The following EVI5 variants were observed in gnomAD, a reference collection of about 807,000 sequenced individuals.
EVI5 encodes ecotropic viral integration site 5.
EVI5 carries 73 observed loss-of-function variants against 112.0 expected under a neutral mutation model. The observed-to-expected ratio is 0.65, with a 90% confidence interval of 0.54 to 0.79. EVI5 has a LOEUF of 0.79. Ranked by LOEUF, EVI5 falls within the 30% of genes least tolerant of loss-of-function variation. The probability of loss-of-function intolerance (pLI) is 0.00; values close to 1 mark genes in which losing one functional copy is unlikely to be tolerated. For missense variants in EVI5, 900 were observed against 968.8 expected, an observed-to-expected ratio of 0.93 and a Z score of 0.94; for synonymous variants, 305 against 319.9, an observed-to-expected ratio of 0.95 and a Z score of 0.50.
intron 1 of EVI5, among the ~76,000 whole-genome samples, chr1:92,783,855 C>A (rs1047237017): frequency 2.0e-5 from 3 of 150,876 alleles, no homozygotes; most frequent in Non-Finnish European, 4.4e-5. Context: ...AAAAGAGCTT[C>A]TGGTACACTG....
rs1376276232 is a variant in EVI5 at position 92,704,616 on chromosome 1, A to G, written c.278T>C (p.Leu93Pro). The change falls in exon 3 of 20, where the codon CTT (leucine) becomes CCT (proline). Residue 93 changes from leucine to proline, a missense_variant. Transcript: ENST00000684568. ...LSHLEEDSWI[L>P]WGRIVNEWED... ...CCATTCATTAACAATTCTTCCCCAA[A>G]GAATCCAAGAATCTTCTTCAAGGTG... 1.3e-6 allele frequency: 2 copies of G among 1,598,544 alleles called. No individual in the cohort carries two copies. Among genetic ancestry groups the G allele is most frequent in the East Asian group, 2.2e-5 (1 of 44,450 alleles).
At chr1:92,771,860 T>C (rs1683455665) in intron 1 of EVI5, among the ~76,000 whole-genome samples, 1 of 151,394 alleles carries the variant, frequency 6.6e-6, no homozygotes, top group African/African-American at 2.4e-5. Flanking sequence ...ATACTCTTTT[T>C]ATTATTTTTT....
At chr1:92,578,348 T>C (rs1272685884) in intron 18 of EVI5, among the ~76,000 whole-genome samples, 1 of 152,194 alleles carries the variant, frequency 6.6e-6, no homozygotes, top group Non-Finnish European at 1.5e-5. Context: ...TCCTCTTTTT[T>C]TTGGCATGGC....
chr1:92,663,452 C>T lies in EVI5; in HGVS notation c.1213G>A (p.Glu405Lys). The change falls in exon 12 of 20, where the codon GAA (glutamate) becomes AAA (lysine). Residue 405 changes from glutamate to lysine, a missense_variant and splice_region_variant. Glu to Lys is a moderately conservative substitution (Grantham distance 56, BLOSUM62 1). Coordinates refer to ENST00000684568, the MANE Select transcript of EVI5 (RefSeq NM_001350197.2). ...LKQRIETLEK[E>K]SASLADRLIQ... Reference sequence around the variant, plus strand: ...AATCTATCTGCCAAGGAAGCACTTTCCTACAAAAGGAAAAATTCAGATAGA... The same window carrying T: ...AATCTATCTGCCAAGGAAGCACTTTTCTACAAAAGGAAAAATTCAGATAGA... 2 of 1,404,766 alleles carry T rather than the reference C, an allele frequency of 1.4e-6. No homozygotes were observed. Among genetic ancestry groups the T allele is most frequent in the Non-Finnish European group, 9.5e-7 (1 of 1,052,422 alleles). The allele number at this position is 1,404,766 out of a possible 1,614,324, so 87.0% of individuals were successfully genotyped here. A position where few individuals can be genotyped will look rare whatever the true frequency, so the allele number is the denominator to read the frequency against.
intron 19 of EVI5, among the ~76,000 whole-genome samples, chr1:92,528,791 A>T (rs1662358631): frequency 1.3e-5 from 2 of 152,102 alleles, no homozygotes. Context: ...TGAGAGAGAG[A>T]GTGTGGGAGG....
At chr1:92,767,245 T>C (rs1682777108) in intron 1 of EVI5, among the ~76,000 whole-genome samples, 1 of 152,206 alleles carries the variant, frequency 6.6e-6, no homozygotes, top group Non-Finnish European at 1.5e-5. Context: ...AGATCCACTA[T>C]TGTTGCTGTA....
intron 18 of EVI5, among the ~76,000 whole-genome samples, chr1:92,578,588 G>A (rs1671449437): frequency 6.6e-6 from 1 of 151,914 alleles, no homozygotes; most frequent in Non-Finnish European, 1.5e-5. Flanking sequence ...CGTGGTGGCG[G>A]GTGCCTGTAG....
At chr1:92,563,291 C>T (rs192277625) in intron 19 of EVI5, among the ~76,000 whole-genome samples, 10 of 152,176 alleles carry the variant, frequency 6.6e-5, no homozygotes, top group Admixed American at 6.5e-4. Context: ...GTAAATACCA[C>T]AAATCTATTC....
intron 19 of EVI5, among the ~76,000 whole-genome samples, chr1:92,525,400 C>T (rs1341448993): frequency 6.6e-6 from 1 of 150,898 alleles, no homozygotes; most frequent in Non-Finnish European, 1.5e-5. Flanking sequence ...TCCCGAGTAG[C>T]TGGGATTACA....
intron 1 of EVI5, among the ~76,000 whole-genome samples, chr1:92,773,688 AC>A: frequency 6.6e-6 from 1 of 152,252 alleles, no homozygotes; most frequent in East Asian, 1.9e-4. Context: ...AACTACAGCA[AC>A]CACAATAGGA....
At position 92,703,689 on chromosome 1, in the gene EVI5, T is replaced by C. The variant is rs1015459950; in HGVS notation, c.340-70A>G. On this transcript the variant is annotated intron_variant, in intron 3 of 19. Transcript: ENST00000684568. ...TATCTTGCAAGCCAAGGAAGACTTA[T>C]TAGGGGGTTGGAATGAAGTAGAAGA... 39 of 923,616 alleles carry C rather than the reference T, an allele frequency of 4.2e-5. No homozygotes were observed. In the African/African-American group the frequency reaches 6.2e-4, roughly 15 times the overall value. The allele number at this position is 923,616 out of a possible 1,614,324, so 57.2% of individuals were successfully genotyped here. A position where few individuals can be genotyped will look rare whatever the true frequency, so the allele number is the denominator to read the frequency against.
intron 1 of EVI5, among the ~76,000 whole-genome samples, chr1:92,790,129 TAGTC>T (rs1424714744): frequency 4.6e-5 from 7 of 152,076 alleles, no homozygotes; most frequent in African/African-American, 1.2e-4. Context: ...CTGAGCAACA[TAGTC>T]AGACCCTATC....
intron 1 of EVI5, among the ~76,000 whole-genome samples, chr1:92,790,368 A>G (rs1685999831): frequency 6.6e-6 from 1 of 152,178 alleles, no homozygotes; most frequent in African/African-American, 2.4e-5. Context: ...TCAAGTGCTC[A>G]ATAATAGCAC....
rs1671529323 is a variant in EVI5 at position 92,703,600 on chromosome 1, A to G, written c.359T>C (p.Ile120Thr). The change falls in exon 4 of 20, where the codon ATA (isoleucine) becomes ACA (threonine). Residue 120 changes from isoleucine (I) to threonine (T), a missense_variant. Coordinates refer to ENST00000684568, the MANE Select transcript of EVI5 (RefSeq NM_001350197.2). ...AACTATTGCTCTAAAGTGATGGGGT[A>G]TCCCTTTATGAACAAGTTCCTAAAA... ...KQVKELVHKG[I>T]PHHFRAIVWQ... 6.3e-7 allele frequency: 1 copy of G among 1,581,828 alleles called. No individual in the cohort carries two copies. The highest frequency in any genetic ancestry group is 8.6e-7 in the Non-Finnish European group (1 of 1,167,234).
At chr1:92,646,929 C>T (rs1322779107) in intron 13 of EVI5, 7 of 214,480 alleles carry the variant, frequency 3.3e-5, no homozygotes, top group African/African-American at 1.6e-4. Context: ...TGATCAAATT[C>T]TGTAATTAAA....
intron 13 of EVI5, 47 bp from the exon 14 acceptor site, chr1:92,636,383 G>A (rs201827911): frequency 1.0e-5 from 16 of 1,524,962 alleles, no homozygotes; most frequent in Non-Finnish European, 1.4e-5. Context: ...GTATAAACAT[G>A]TATATACAAT....
intron 18 of EVI5, among the ~76,000 whole-genome samples, chr1:92,586,450 G>C (rs1011443279): frequency 5.3e-5 from 8 of 151,538 alleles, no homozygotes; most frequent in Non-Finnish European, 8.8e-5. Context: ...ATCTACTTTG[G>C]GTTATTATAC....
intron 10 of EVI5, among the ~76,000 whole-genome samples, chr1:92,669,360 CAACATGGCA>C (rs1011371787): frequency 6.6e-6 from 1 of 151,720 alleles, no homozygotes; most frequent in Non-Finnish European, 1.5e-5. Flanking sequence ...CCAGCCAGGC[CAACATGGCA>C]AAACCCCATC....
intron 13 of EVI5, among the ~76,000 whole-genome samples, chr1:92,643,126 A>C (rs897368660): frequency 5.9e-5 from 9 of 152,260 alleles, no homozygotes; most frequent in African/African-American, 2.2e-4. Flanking sequence ...TGTGTGAAAT[A>C]TCACTGGAGG....
Sources: gnomAD v4.1 joint callset for allele counts (sites outside exome capture counted in the v4.1 genomes callset) on GRCh38, gnomAD v4.1.1 for gene constraint, MANE v1.5 for transcripts, NCBI Gene and HGNC (gene_info 2026-07-23, HGNC 2026-07-21) for gene names.